Variants in NKAIN3 observed in about 807,000 individuals in gnomAD.
NKAIN3 encodes the protein sodium/potassium-transporting ATPase subunit beta-1-interacting protein 3.
NKAIN3 carries 25 observed loss-of-function variants against 30.2 expected under a neutral mutation model. That is an observed-to-expected ratio of 0.83 (90% CI 0.60 to 1.16). NKAIN3 has a LOEUF of 1.16. Among genes scored for constraint, NKAIN3 ranks in the 50% most tolerant of loss-of-function variants. The probability of loss-of-function intolerance (pLI) is 0.00; values close to 1 mark genes in which losing one functional copy is unlikely to be tolerated. For synonymous variants in NKAIN3, 91 were observed against 89.6 expected, an observed-to-expected ratio of 1.02 and a Z score of -0.09; for missense variants, 225 against 254.1, an observed-to-expected ratio of 0.89 and a Z score of 0.78.
intron 3 of NKAIN3, among the ~76,000 whole-genome samples, chr8:62,656,149 G>C (rs1233753840): frequency 1.3e-5 from 2 of 152,050 alleles, no homozygotes; most frequent in Non-Finnish European, 2.9e-5. Flanking sequence ...TACCTTTCAG[G>C]AGCCGATTTT....
chr8:62,251,689 A>G (rs1163969908), intron 1 of NKAIN3, among the ~76,000 whole-genome samples: 1 of 152,214 alleles, frequency 6.6e-6, no homozygotes, highest in Non-Finnish European at 1.5e-5. Context: ...TAGGTTTAAT[A>G]TGCATTATTT....
intron 4 of NKAIN3, among the ~76,000 whole-genome samples, chr8:62,827,607 C>T (rs1819066452): frequency 6.6e-6 from 1 of 152,078 alleles, no homozygotes; most frequent in South Asian, 2.1e-4. Flanking sequence ...ACACCTGCTC[C>T]CAAGTCCATT....
rs148171931 is a variant in NKAIN3, at chr8:62,398,283, C to T, written c.54+149156C>T. Among the ~76,000 whole-genome samples, 17 of 152,260 alleles carry T rather than the reference C, an allele frequency of 1.1e-4. No homozygotes were observed. The East Asian group carries it at 2.9e-3, about 26-fold the overall frequency. ...GGCCATGGTGACCCTGAATTCCATC[C>T]CTATTTAAACATCTGAATTTCCTGC... is the stretch of plus-strand genomic sequence containing the variant. On this transcript the variant is annotated intron_variant, in intron 1 of 6. Transcript: ENST00000623646.
intron 1 of NKAIN3, among the ~76,000 whole-genome samples, chr8:62,280,894 GAGTT>G (rs1813155720): frequency 6.6e-6 from 1 of 152,174 alleles, no homozygotes; most frequent in Non-Finnish European, 1.5e-5. Context: ...CTCATAAAAT[GAGTT>G]AGGGAGGATT....
At chr8:62,741,652 A>G (rs1388131058) in intron 3 of NKAIN3, among the ~76,000 whole-genome samples, 1 of 152,188 alleles carries the variant, frequency 6.6e-6, no homozygotes, top group Non-Finnish European at 1.5e-5. Context: ...GCTTTGTTAC[A>G]TTTTCACAAT....
At chr8:62,767,099 TTTAG>T (rs1423633808) in intron 4 of NKAIN3, among the ~76,000 whole-genome samples, 3 of 152,130 alleles carry the variant, frequency 2.0e-5, no homozygotes, top group African/African-American at 7.2e-5. Flanking sequence ...TCAATTCCCT[TTTAG>T]TTAGAGAGCT....
intron 4 of NKAIN3, among the ~76,000 whole-genome samples, chr8:62,826,748 A>G (rs1266816154): frequency 6.6e-6 from 1 of 152,220 alleles, no homozygotes; most frequent in Non-Finnish European, 1.5e-5. Flanking sequence ...ATGCTAATTA[A>G]TTATACATTA....
intron 1 of NKAIN3, among the ~76,000 whole-genome samples, chr8:62,498,763 G>A (rs1229018720): frequency 6.6e-6 from 1 of 151,418 alleles, no homozygotes; most frequent in Non-Finnish European, 1.5e-5. Flanking sequence ...TAGGACTTGG[G>A]AAGCAAGTCC....
intron 4 of NKAIN3, among the ~76,000 whole-genome samples, chr8:62,884,459 G>T (rs531881923): frequency 6.6e-6 from 1 of 152,238 alleles, no homozygotes; most frequent in African/African-American, 2.4e-5. Context: ...GTTTCTCCAT[G>T]TTGGTCAGGC....
intron 4 of NKAIN3, among the ~76,000 whole-genome samples, chr8:62,790,278 C>G (rs1052974542): frequency 6.6e-6 from 1 of 152,130 alleles, no homozygotes; most frequent in African/African-American, 2.4e-5. Context: ...ATGCTAAAAA[C>G]TCTCAATAAA....
chr8:62,628,376 A>C (rs1811852401), intron 3 of NKAIN3, among the ~76,000 whole-genome samples: 1 of 152,174 alleles, frequency 6.6e-6, no homozygotes, highest in South Asian at 2.1e-4. Context: ...TGTGGTTTGC[A>C]TAGCGAATTT....
intron 3 of NKAIN3, among the ~76,000 whole-genome samples, chr8:62,611,218 A>G (rs974678443): frequency 4.6e-5 from 7 of 152,130 alleles, no homozygotes; most frequent in Non-Finnish European, 1.0e-4. Flanking sequence ...TTTATGGGGC[A>G]CATTAGATTA....
chr8:62,739,179 G>A (rs1815779270), intron 3 of NKAIN3, among the ~76,000 whole-genome samples: 1 of 151,860 alleles, frequency 6.6e-6, no homozygotes, highest in Admixed American at 6.6e-5. Context: ...GAGTTGATGG[G>A]TGCAGCAAAC....
intron 1 of NKAIN3, among the ~76,000 whole-genome samples, chr8:62,492,686 C>CT (rs1005822869): frequency 1.3e-5 from 2 of 152,052 alleles, no homozygotes; most frequent in Admixed American, 6.6e-5. Context: ...TGAAATTACG[C>CT]TTTTTTTGCA....
intron 3 of NKAIN3, among the ~76,000 whole-genome samples, chr8:62,682,500 T>C (rs1441585357): frequency 6.6e-6 from 1 of 152,128 alleles, no homozygotes; most frequent in African/African-American, 2.4e-5. Flanking sequence ...AGGGGTTGAA[T>C]ACAAAGTGCA....
chr8:62,979,554 A>G lies in NKAIN3; in HGVS notation c.*14147A>G, dbSNP rs1452704763. 1 of 152,210 alleles carries G rather than the reference A, an allele frequency of 6.6e-6. No individual in the cohort carries two copies. Among genetic ancestry groups the G allele is most frequent in the Non-Finnish European group, 1.5e-5 (1 of 68,048 alleles). The allele number at this position is 152,210 out of a possible 1,614,324, so 9.4% of individuals were successfully genotyped here. On this transcript the variant is annotated 3_prime_UTR_variant, in exon 7 of 7. Coordinates refer to ENST00000623646, the MANE Select transcript of NKAIN3 (RefSeq NM_001304533.3). ...ATTATTATTTTGGGGAGTGAAAGCT[A>G]AAAGAAATAATATGTCTAATACGAT...
At chr8:62,371,990 CT>C in intron 1 of NKAIN3, among the ~76,000 whole-genome samples, 1 of 151,496 alleles carries the variant, frequency 6.6e-6, no homozygotes, top group Non-Finnish European at 1.5e-5. Flanking sequence ...TTCTGTTTTG[CT>C]TTTTTTTCTA....
At chr8:62,849,863 AT>A (rs1347378833) in intron 4 of NKAIN3, among the ~76,000 whole-genome samples, 2 of 152,040 alleles carry the variant, frequency 1.3e-5, no homozygotes, top group African/African-American at 4.8e-5. Flanking sequence ...ATTGGTGGAC[AT>A]TTGGCTTGGT....
intron 3 of NKAIN3, among the ~76,000 whole-genome samples, chr8:62,601,840 A>T (rs1160830784): frequency 1.3e-5 from 2 of 152,192 alleles, no homozygotes; most frequent in Middle Eastern, 3.4e-3. Flanking sequence ...TGAGTTTCCT[A>T]TTCCAAAAAT....
Sources: allele counts gnomAD v4.1 joint callset (sites outside exome capture counted in the v4.1 genomes callset), GRCh38; gene constraint gnomAD v4.1.1; transcripts MANE v1.5; gene names NCBI Gene and HGNC (gene_info 2026-07-23, HGNC 2026-07-21).